Variants in GAN observed in about 807,000 individuals in gnomAD.
The protein encoded by GAN is gigaxonin.
Under a neutral mutation model 71.3 loss-of-function variants are expected in GAN, and 48 were observed. That is an observed-to-expected ratio of 0.67 (90% CI 0.53 to 0.86). The LOEUF (loss-of-function observed/expected upper bound fraction) is 0.86. GAN is among the 40% of genes least tolerant of loss of function. The pLI, the probability that GAN is intolerant of heterozygous loss-of-function variation, is 0.00. For missense variants in GAN, 928 were observed against 770.1 expected (o/e 1.21, Z -2.43); for synonymous variants, 386 against 276.8 (o/e 1.39, Z -3.92).
chr16:81,367,516 G>A (rs547217972), intron 9 of GAN, among the ~76,000 whole-genome samples: 42 of 152,188 alleles, frequency 2.8e-4, no homozygotes, highest in Non-Finnish European at 5.3e-4. Context: ...GCAACAAAGC[G>A]AGACCCTGTC....
At chr16:81,352,968 T>G (rs1427050370) in intron 2 of GAN, among the ~76,000 whole-genome samples, 1 of 152,150 alleles carries the variant, frequency 6.6e-6, no homozygotes, top group African/African-American at 2.4e-5. Context: ...ACAGATTGAG[T>G]TCTGTGATTT....
chr16:81,369,302 A>G (rs1910960581), intron 9 of GAN, among the ~76,000 whole-genome samples: 1 of 152,172 alleles, frequency 6.6e-6, no homozygotes. Context: ...CTTCCCTACC[A>G]AAATAGAAAA....
intron 2 of GAN, 42 bp downstream of exon 2, chr16:81,351,739 T>A (rs758519281): frequency 1.1e-6 from 1 of 902,002 alleles, no homozygotes; most frequent in Non-Finnish European, 1.9e-6. Context: ...AGTAGAGGCT[T>A]CTCAAGCTCA....
Position 81,381,843 on chromosome 16 carries a change from T to A in GAN, c.*4247T>A, listed in dbSNP as rs1487454489. 6.6e-6 allele frequency: 1 copy of A among 152,214 alleles called. No homozygotes were observed. The highest frequency in any genetic ancestry group is 1.5e-5 in the Non-Finnish European group (1 of 68,042). The allele number at this position is 152,214 out of a possible 1,614,324, so 9.4% of individuals were successfully genotyped here. A position where few individuals can be genotyped will look rare whatever the true frequency, so the allele number is the denominator to read the frequency against. ...TTACTGGGTTTTCAGTGAGAAACTT[T>A]GTACCCATATGGGCTGGCCTCCTAT... On this transcript the variant is annotated 3_prime_UTR_variant, in exon 11 of 11. Transcript: ENST00000648994.
At chr16:81,372,777 C>T (rs531823446) in intron 9 of GAN, among the ~76,000 whole-genome samples, 4 of 152,300 alleles carry the variant, frequency 2.6e-5, no homozygotes, top group South Asian at 2.1e-4. Context: ...GGCCTGAAGA[C>T]GTGAAATGTG....
At position 81,365,195 on chromosome 16, in the gene GAN, T is replaced by C. The variant is rs758156784; in HGVS notation, c.1373+85T>C. ...CTTACCCTGCCTGGCTTTTGTTCTT[T>C]TCTTTCAGAGTAACCTTTTCTTTGA... is the stretch of plus-strand genomic sequence containing the variant. On this transcript the variant is annotated intron_variant, in intron 8 of 10. Coordinates refer to ENST00000648994, the MANE Select transcript of GAN (RefSeq NM_022041.4). The C allele has an allele frequency of 1.8e-5, 29 of 1,574,300 alleles. No homozygotes were observed. In the Middle Eastern group the frequency reaches 1.3e-3, roughly 72 times the overall value.
chr16:81,346,248 A>C (rs1910114617), intron 1 of GAN, among the ~76,000 whole-genome samples: 1 of 152,252 alleles, frequency 6.6e-6, no homozygotes, highest in Non-Finnish European at 1.5e-5. Flanking sequence ...AGAAGTAAAG[A>C]AAACTCTAAA....
chr16:81,376,205 A>T (rs1054359949), intron 9 of GAN, among the ~76,000 whole-genome samples: 7 of 152,032 alleles, frequency 4.6e-5, no homozygotes, highest in African/African-American at 1.4e-4. Context: ...TTTTCCAGTA[A>T]ACAATAACCT....
In GAN at chr16:81,315,229, A is replaced by G; in HGVS notation, c.116A>G (p.Glu39Gly). The change falls in exon 1 of 11, where the codon GAG (glutamate) becomes GGG (glycine). Residue 39 changes from glutamate to glycine, a missense_variant. Physicochemically the swap from Glu to Gly is moderately conservative, Grantham distance 98. Transcript: ENST00000648994. ...FCDAHLVLDG[E>G]EIPVQKNILA... is the part of the protein sequence containing the mutation. ...GACGCGCACCTGGTCCTCGACGGGG[A>G]GGAGATCCCGGTGCAGAAGAACATC... 1 of 1,581,084 alleles carries G rather than the reference A, an allele frequency of 6.3e-7. No homozygotes were observed. Among genetic ancestry groups the G allele is most frequent in the East Asian group, 2.4e-5 (1 of 41,576 alleles).
intron 1 of GAN, among the ~76,000 whole-genome samples, chr16:81,329,188 T>C (rs1375498815): frequency 1.3e-5 from 2 of 152,142 alleles, no homozygotes; most frequent in Non-Finnish European, 2.9e-5. Flanking sequence ...TCTTTTTTTT[T>C]CCTTCTCTCC....
intron 1 of GAN, among the ~76,000 whole-genome samples, chr16:81,329,345 G>C (rs980295378): frequency 6.6e-6 from 1 of 152,216 alleles, no homozygotes; most frequent in Admixed American, 6.5e-5. Flanking sequence ...CGTGTTCCTG[G>C]GTTGCCGCCC....
chr16:81,328,876 C>G (rs1909477969), intron 1 of GAN, among the ~76,000 whole-genome samples: 1 of 152,106 alleles, frequency 6.6e-6, no homozygotes. Flanking sequence ...TGGTCTTGGT[C>G]ACATATTCTT....
chr16:81,357,788 G>T, intron 4 of GAN, 22 bp from the exon 5 acceptor site: 16 of 1,607,650 alleles, frequency 1.0e-5, no homozygotes, highest in Non-Finnish European at 1.4e-5. Context: ...ATTAACTACT[G>T]ATCACTTATT....
Position 81,354,430 on chromosome 16 carries a change from A to G in GAN, c.308A>G (p.Gln103Arg). The change falls in exon 3 of 11, where the codon CAA becomes CGA. Residue 103 changes from glutamine (Q) to arginine (R), a missense_variant. By Grantham distance (43) the Gln-to-Arg change is conservative (BLOSUM62 1). Coordinates refer to ENST00000648994, the MANE Select transcript of GAN (RefSeq NM_022041.4). ...GQIRLNEDTI[Q>R]DVVQAADLLL... is the part of the protein sequence containing the mutation. ...ATCAGGCTAAATGAAGATACAATCC[A>G]AGATGTTGTTCAGGCAGCTGACCTG... is the stretch of plus-strand genomic sequence containing the variant. The G allele has an allele frequency of 6.2e-7, 1 of 1,612,480 alleles. No individual in the cohort carries two copies. Among genetic ancestry groups the G allele is most frequent in the Non-Finnish European group, 8.5e-7 (1 of 1,178,444 alleles).
intron 9 of GAN, among the ~76,000 whole-genome samples, chr16:81,368,144 A>G (rs1910921001): frequency 6.6e-6 from 1 of 152,230 alleles, no homozygotes; most frequent in Admixed American, 6.5e-5. Context: ...TTTCTGAATA[A>G]AAGCAAAACT....
Position 81,362,525 on chromosome 16 carries a change from C to G in GAN, c.1000C>G (p.Gln334Glu). 1.2e-6 allele frequency: 2 copies of G among 1,606,764 alleles called. No homozygotes were observed. Among genetic ancestry groups the G allele is most frequent in the Non-Finnish European group, 1.7e-6 (2 of 1,173,376 alleles). Residue 334 changes from glutamine (Q) to glutamate (E), a missense_variant, in exon 6 of 11, where the codon CAA becomes GAA. By Grantham distance (29) the Gln-to-Glu change is conservative. Coordinates refer to ENST00000648994, the MANE Select transcript of GAN (RefSeq NM_022041.4). ...AEGFLFVFGGQDENKQTLSSG... is the reference protein window; with the variant it reads ...AEGFLFVFGGEDENKQTLSSG... ...AGGATTTTTGTTTGTATTCGGGGGC[C>G]AAGATGAAAATAAGCAGACTCTTAG... is the stretch of plus-strand genomic sequence containing the variant.
chr16:81,317,916 TCA>T (rs1425080248), intron 1 of GAN, among the ~76,000 whole-genome samples: 7 of 152,254 alleles, frequency 4.6e-5, no homozygotes, highest in African/African-American at 1.7e-4. Context: ...AATATGTGTT[TCA>T]TCAGTGACAG....
At chr16:81,316,345 C>T (rs1414609350) in intron 1 of GAN, among the ~76,000 whole-genome samples, 6 of 55,798 alleles carry the variant, frequency 1.1e-4, no homozygotes, top group African/African-American at 2.7e-4. Flanking sequence ...AAAACCACCA[C>T]GCACGCTACA....
intron 1 of GAN, among the ~76,000 whole-genome samples, chr16:81,340,542 G>T (rs1323240278): frequency 1.3e-5 from 2 of 152,034 alleles, no homozygotes; most frequent in Non-Finnish European, 2.9e-5. Flanking sequence ...GCAGCTGAGG[G>T]GCCTCTCTGT....
Sources: gnomAD v4.1 joint callset for allele counts (sites outside exome capture counted in the v4.1 genomes callset) on GRCh38, gnomAD v4.1.1 for gene constraint, MANE v1.5 for transcripts, NCBI Gene and HGNC (gene_info 2026-07-23, HGNC 2026-07-21) for gene names.